The following PDCD10 variants were observed in gnomAD, a reference collection of about 807,000 sequenced individuals.
The protein encoded by PDCD10 is programmed cell death 10, also known as programmed cell death protein 10.
Under a neutral mutation model 29.2 loss-of-function variants are expected in PDCD10, and 4 were observed. The ratio of observed to expected loss-of-function variants is 0.14; its 90% CI spans 0.07 to 0.31. PDCD10 has a LOEUF of 0.31. Ranked by LOEUF, PDCD10 falls within the 10% of genes least tolerant of loss-of-function variation. PDCD10 has a pLI of 1.00. For synonymous variants in PDCD10, 70 were observed against 82.2 expected (o/e 0.85, Z 0.80); for missense variants, 183 against 257.9 (o/e 0.71, Z 1.99).
In PDCD10 at chr3:167,683,872, C is replaced by CAT. The variant is rs886487656; in HGVS notation, c.*434_*435dup. On this transcript the variant is annotated 3_prime_UTR_variant, in exon 9 of 9. Coordinates refer to ENST00000392750, the MANE Select transcript of PDCD10 (RefSeq NM_007217.4). ...ATATATATATATATATATATACACA[C>CAT]ATATATATATGCATTTTTTCAAGTA... 1.2e-5 allele frequency: 2 copies of CAT among 163,574 alleles called. No homozygotes were observed. Among genetic ancestry groups the CAT allele is most frequent in the South Asian group, 1.5e-4 (1 of 6,744 alleles). 10.1% of individuals were successfully genotyped at this position (163,574 alleles called of 1,614,324 possible).
chr3:167,692,103 T>C (rs527513482), intron 6 of PDCD10, among the ~76,000 whole-genome samples: 1 of 152,178 alleles, frequency 6.6e-6, no homozygotes, highest in Non-Finnish European at 1.5e-5. Context: ...CATCAACAAG[T>C]ACACGATTAT....
intron 4 of PDCD10, 194 bp downstream of exon 4, chr3:167,704,648 T>C (rs1466985155): frequency 2.0e-6 from 1 of 511,754 alleles, no homozygotes; most frequent in East Asian, 3.2e-5. Flanking sequence ...GATGAAAAGA[T>C]GAATGCTAAC....
chr3:167,690,120 G>A (rs1362741129), intron 6 of PDCD10, among the ~76,000 whole-genome samples: 2 of 152,190 alleles, frequency 1.3e-5, no homozygotes, highest in Non-Finnish European at 2.9e-5. Flanking sequence ...GATGAATTCT[G>A]TGATAAGAGG....
intron 6 of PDCD10, among the ~76,000 whole-genome samples, chr3:167,694,811 A>G (rs1053295677): frequency 6.6e-6 from 1 of 152,194 alleles, no homozygotes; most frequent in African/African-American, 2.4e-5. Flanking sequence ...AAGTTACCAC[A>G]TATGTCACAG....
intron 3 of PDCD10, among the ~76,000 whole-genome samples, chr3:167,715,553 C>T (rs188903332): frequency 6.6e-6 from 1 of 151,714 alleles, no homozygotes; most frequent in African/African-American, 2.4e-5. Flanking sequence ...ACTCAAACAA[C>T]TGTACAGGAA....
At chr3:167,723,379 G>C (rs1317610805) in intron 2 of PDCD10, among the ~76,000 whole-genome samples, 1 of 152,100 alleles carries the variant, frequency 6.6e-6, no homozygotes, top group Non-Finnish European at 1.5e-5. Context: ...CCAAGTCCCG[G>C]CAGCTGGGTA....
chr3:167,713,289 A>G (rs781680952), intron 3 of PDCD10, among the ~76,000 whole-genome samples: 2 of 152,110 alleles, frequency 1.3e-5, no homozygotes, highest in African/African-American at 2.4e-5. Context: ...GAAATTTTTG[A>G]AACTATACAA....
intron 8 of PDCD10, among the ~76,000 whole-genome samples, 200 bp downstream of exon 8, chr3:167,687,034 T>C (rs1326465812): frequency 6.6e-6 from 1 of 152,166 alleles, no homozygotes; most frequent in African/African-American, 2.4e-5. Flanking sequence ...TCAGAAAGCG[T>C]CTGATAACTC....
intron 3 of PDCD10, among the ~76,000 whole-genome samples, chr3:167,707,333 G>C (rs571902396): frequency 6.6e-6 from 1 of 152,124 alleles, no homozygotes; most frequent in African/African-American, 2.4e-5. Flanking sequence ...TTAGAGTCCA[G>C]CACTTTCCGA....
At chr3:167,699,475 A>T (rs936731629) in intron 4 of PDCD10, among the ~76,000 whole-genome samples, 1 of 152,202 alleles carries the variant, frequency 6.6e-6, no homozygotes, top group Non-Finnish European at 1.5e-5. Flanking sequence ...CTGGCTAAAA[A>T]CCTGGTTAAG....
chr3:167,723,769 A>T (rs2108493356), intron 2 of PDCD10, among the ~76,000 whole-genome samples: 1 of 152,326 alleles, frequency 6.6e-6, no homozygotes, highest in South Asian at 2.1e-4. Flanking sequence ...TGTTGAAAGA[A>T]CCTAGACAAA....
intron 8 of PDCD10, among the ~76,000 whole-genome samples, chr3:167,685,549 T>C (rs1012609721): frequency 6.6e-6 from 1 of 152,024 alleles, no homozygotes; most frequent in Non-Finnish European, 1.5e-5. Flanking sequence ...AGCACATTAT[T>C]GATACACAAA....
At chr3:167,718,549 C>T (rs1298171618) in intron 3 of PDCD10, among the ~76,000 whole-genome samples, 1 of 152,024 alleles carries the variant, frequency 6.6e-6, no homozygotes, top group Non-Finnish European at 1.5e-5. Flanking sequence ...TCCTGAATTT[C>T]TCCAACCCCT....
chr3:167,726,030 TTGGTGCTGC>T (rs1421089914), intron 2 of PDCD10, among the ~76,000 whole-genome samples: 1 of 150,770 alleles, frequency 6.6e-6, no homozygotes, highest in African/African-American at 2.4e-5. Context: ...GATCTTCAAC[TTGGTGCTGC>T]TGAGACTTCC....
At chr3:167,707,866 A>G (rs1296081982) in intron 3 of PDCD10, among the ~76,000 whole-genome samples, 1 of 152,192 alleles carries the variant, frequency 6.6e-6, no homozygotes, top group Non-Finnish European at 1.5e-5. Context: ...CAGTATGTCC[A>G]TGTAACCAGT....
At chr3:167,697,998 T>C (rs753959008) in intron 4 of PDCD10, 11 of 456,472 alleles carry the variant, frequency 2.4e-5, no homozygotes, top group African/African-American at 1.4e-4. Flanking sequence ...AACAGCAAAA[T>C]AGAAACACAA....
At chr3:167,731,616 A>G (rs889310582) in intron 2 of PDCD10, among the ~76,000 whole-genome samples, 6 of 152,236 alleles carry the variant, frequency 3.9e-5, no homozygotes, top group Non-Finnish European at 5.9e-5. Context: ...CATTCAGCAA[A>G]TATTTACTGA....
chr3:167,731,216 A>G, intron 2 of PDCD10, among the ~76,000 whole-genome samples: 1 of 152,216 alleles, frequency 6.6e-6, no homozygotes, highest in East Asian at 1.9e-4. Context: ...ACGAGACAAC[A>G]TTAGGGAAGA....
chr3:167,728,098 G>A (rs540133848), intron 2 of PDCD10, among the ~76,000 whole-genome samples: 4 of 152,128 alleles, frequency 2.6e-5, no homozygotes, highest in South Asian at 4.2e-4. Context: ...CCTTCACTTC[G>A]CAAAAGTGTG....
Sources: gnomAD v4.1 joint callset for allele counts (sites outside exome capture counted in the v4.1 genomes callset) on GRCh38, gnomAD v4.1.1 for gene constraint, MANE v1.5 for transcripts, NCBI Gene and HGNC (gene_info 2026-07-23, HGNC 2026-07-21) for gene names.